Variants in CELF1 observed in about 807,000 individuals in gnomAD.
The protein encoded by CELF1 is 50 kDa nuclear polyadenylated RNA-binding protein.
In CELF1, 10 loss-of-function variants were observed where a neutral mutation model predicts 61.8. The observed-to-expected ratio is 0.16, with a 90% confidence interval of 0.10 to 0.27. CELF1 has a LOEUF of 0.27. CELF1 is among the 10% of genes least tolerant of loss of function. CELF1 has a pLI of 1.00. For missense variants in CELF1, 380 were observed against 639.1 expected (o/e 0.59, Z 4.37); for synonymous variants, 236 against 225.1 (o/e 1.05, Z -0.43).
intron 3 of CELF1, among the ~76,000 whole-genome samples, chr11:47,497,403 C>T (rs1463879805): frequency 3.3e-5 from 5 of 152,182 alleles, no homozygotes; most frequent in Admixed American, 2.0e-4. Flanking sequence ...ATTGGCTAAC[C>T]GTTCACTGAC....
rs1222052807 is a variant in CELF1, at chr11:47,475,516, C to A, written c.1093G>T (p.Ala365Ser). 4 of 1,613,798 alleles carry A rather than the reference C, an allele frequency of 2.5e-6. No individual in the cohort carries two copies. Among genetic ancestry groups the A allele is most frequent in the Admixed American group, 1.7e-5 (1 of 60,012 alleles). The change falls in exon 13 of 15, where the codon GCT becomes TCT. Residue 365 changes from alanine (A) to serine (S), a missense_variant. Transcript: ENST00000687097. Reference protein sequence around the residue: ...GLNVGSLAGMAALNGGLGSSG... With the variant: ...GLNVGSLAGMSALNGGLGSSG... ...CTGCCCAGGCCACCATTTAAAGCAG[C>A]CATTCCTTGGTTGGAGGAAGAGAAG...
chr11:47,485,209 G>C (rs2085991160), intron 6 of CELF1, among the ~76,000 whole-genome samples: 1 of 152,136 alleles, frequency 6.6e-6, no homozygotes, highest in Non-Finnish European at 1.5e-5. Context: ...TGAGACAAGA[G>C]TCTCGCTGTC....
intron 1 of CELF1, among the ~76,000 whole-genome samples, chr11:47,530,884 G>A (rs2096448709): frequency 6.6e-6 from 1 of 152,066 alleles, no homozygotes; most frequent in African/African-American, 2.4e-5. Context: ...GAGCCCACGA[G>A]GTCAAGGCTA....
At position 47,472,343 on chromosome 11, in the gene CELF1, C is replaced by A; in HGVS notation, c.1432G>T (p.Asp478Tyr). Reference protein sequence around the residue: ...LSKCFGFVSYDNPVSAQAAIQ... With the variant: ...LSKCFGFVSYYNPVSAQAAIQ... ...GCAGCTTGGGCCGAAACAGGATTGT[C>A]GTAACTTACAAAACCTGTGTGTCCA... The change falls in exon 15 of 15, where the codon GAC becomes TAC. Residue 478 changes from aspartate (D) to tyrosine (Y), a missense_variant. Coordinates refer to ENST00000687097, the MANE Select transcript of CELF1 (RefSeq NM_001376376.1). The A allele has an allele frequency of 6.2e-7, 1 of 1,613,978 alleles. No homozygotes were observed. Among genetic ancestry groups the A allele is most frequent in the Non-Finnish European group, 8.5e-7 (1 of 1,179,906 alleles).
At chr11:47,512,723 T>C (rs1312153144) in intron 1 of CELF1, among the ~76,000 whole-genome samples, 2 of 152,218 alleles carry the variant, frequency 1.3e-5, no homozygotes, top group Non-Finnish European at 2.9e-5. Flanking sequence ...TATTACTTTT[T>C]GGTCAGCTTG....
intron 2 of CELF1, among the ~76,000 whole-genome samples, chr11:47,562,000 G>C (rs2097227125): frequency 6.6e-6 from 1 of 152,012 alleles, no homozygotes; most frequent in East Asian, 1.9e-4. Context: ...GCCGAGGCAG[G>C]CTGATCACCT....
intron 1 of CELF1, among the ~76,000 whole-genome samples, chr11:47,517,003 T>C (rs1168315546): frequency 1.3e-5 from 2 of 152,142 alleles, no homozygotes; most frequent in African/African-American, 2.4e-5. Flanking sequence ...CTCACACTTA[T>C]AATCTCAGCA....
chr11:47,518,871 C>T (rs1274351576), intron 1 of CELF1, among the ~76,000 whole-genome samples: 1 of 152,224 alleles, frequency 6.6e-6, no homozygotes, highest in Non-Finnish European at 1.5e-5. Context: ...CCTGCCTTTA[C>T]CATCTGCCCC....
chr11:47,498,595 C>A (rs1445651879), intron 3 of CELF1, among the ~76,000 whole-genome samples: 1 of 152,188 alleles, frequency 6.6e-6, no homozygotes, highest in East Asian at 1.9e-4. Flanking sequence ...ATTTAATATT[C>A]TTGGCTTTGA....
intron 10 of CELF1, among the ~76,000 whole-genome samples, chr11:47,478,396 G>A (rs918813863): frequency 5.3e-5 from 8 of 152,158 alleles, no homozygotes; most frequent in African/African-American, 1.7e-4. Context: ...TTCTGTGTAC[G>A]ATAATAGCAA....
At chr11:47,541,740 A>C (rs1242265074) in intron 1 of CELF1, among the ~76,000 whole-genome samples, 319 of 9,404 alleles carry the variant, frequency 0.034, 48 homozygotes, top group African/African-American at 0.077. Context: ...GAAAGAAAGA[A>C]CGAAAGAAAG....
At chr11:47,559,987 G>A (rs2097220513) in intron 2 of CELF1, among the ~76,000 whole-genome samples, 1 of 144,362 alleles carries the variant, frequency 6.9e-6, no homozygotes, top group Admixed American at 7.1e-5. Context: ...TGGTGACAGA[G>A]CAAGACTCTA....
intron 1 of CELF1, among the ~76,000 whole-genome samples, chr11:47,510,308 T>C (rs906576035): frequency 5.3e-5 from 8 of 152,324 alleles, no homozygotes; most frequent in Admixed American, 5.2e-4. Context: ...ATACAGCTTG[T>C]ATGCTGAGTA....
intron 2 of CELF1, among the ~76,000 whole-genome samples, chr11:47,559,794 G>C (rs958271707): frequency 6.6e-6 from 1 of 152,104 alleles, no homozygotes; most frequent in Admixed American, 6.6e-5. Flanking sequence ...CTGAGGTCAG[G>C]AGTTCGAGAC....
chr11:47,494,752 CG>C (rs1292200736), intron 3 of CELF1, among the ~76,000 whole-genome samples: 1 of 152,180 alleles, frequency 6.6e-6, no homozygotes, highest in East Asian at 1.9e-4. Flanking sequence ...AAAACAAAAA[CG>C]GGCCTGGCCA....
intron 1 of CELF1, among the ~76,000 whole-genome samples, chr11:47,533,388 A>G (rs1265040577): frequency 6.6e-6 from 1 of 152,084 alleles, no homozygotes; most frequent in Non-Finnish European, 1.5e-5. Context: ...TTGGGAGGCC[A>G]AGGCAGGCAG....
chr11:47,475,072 T>C (rs1039658524), intron 13 of CELF1, among the ~76,000 whole-genome samples: 2 of 152,204 alleles, frequency 1.3e-5, no homozygotes, highest in Admixed American at 6.5e-5. Flanking sequence ...TCAGACCCGA[T>C]AAGGTCAGTG....
At chr11:47,497,500 G>C (rs1295674306) in intron 3 of CELF1, among the ~76,000 whole-genome samples, 1 of 152,176 alleles carries the variant, frequency 6.6e-6, no homozygotes, top group Non-Finnish European at 1.5e-5. Context: ...ATTACTATTT[G>C]TCCTCAATCT....
chr11:47,563,905 T>C (rs983179118), intron 2 of CELF1, among the ~76,000 whole-genome samples: 2 of 151,412 alleles, frequency 1.3e-5, no homozygotes, highest in African/African-American at 4.9e-5. Flanking sequence ...CTCGGGAGGC[T>C]GAGGCAGGAG....
Sources: allele counts gnomAD v4.1 joint callset (sites outside exome capture counted in the v4.1 genomes callset), GRCh38; gene constraint gnomAD v4.1.1; transcripts MANE v1.5; gene names NCBI Gene and HGNC (gene_info 2026-07-23, HGNC 2026-07-21).